The following DMD variants were observed in gnomAD, a reference collection of about 807,000 sequenced individuals.
DMD encodes the protein dystrophin.
Under a neutral mutation model 330.1 loss-of-function variants are expected in DMD, and 63 were observed. The observed-to-expected ratio is 0.19, with a 90% CI of 0.16 to 0.24. The LOEUF is 0.24. Among genes scored for constraint, DMD ranks in the 10% least tolerant of loss-of-function variants. The pLI, the probability that DMD is intolerant of heterozygous loss-of-function variation, is 1.00. For synonymous variants in DMD, 1,223 were observed against 959.8 expected, an observed-to-expected ratio of 1.27 and a Z score of -5.07; for missense variants, 3,344 against 2,684.1, an observed-to-expected ratio of 1.25 and a Z score of -5.43.
intron 44 of DMD, among the ~76,000 whole-genome samples, chrX:32,158,365 T>G (rs1486132520): frequency 9.2e-6 from 1 of 108,460 alleles, no homozygotes; most frequent in Non-Finnish European, 1.9e-5. Context: ...AGACCCCATC[T>G]CAAAAACAAA....
At chrX:32,137,364 GA>G (rs2096731795) in intron 44 of DMD, among the ~76,000 whole-genome samples, 2 of 111,570 alleles carry the variant, frequency 1.8e-5, no homozygotes, top group Non-Finnish European at 3.8e-5. Context: ...CCTAGGGATG[GA>G]AAAAACTCTA....
At position 32,162,266 on chromosome X, in the gene DMD, T is replaced by A. The variant is rs775770867; in HGVS notation, c.6438+54650A>T. ...CGCTACAGCTCAGGGTGAAGTCTTGTATCCCCTTTGCCTCTGTCCCCTTAG... is the reference window on the plus strand; with the variant it reads ...CGCTACAGCTCAGGGTGAAGTCTTGAATCCCCTTTGCCTCTGTCCCCTTAG... On this transcript the variant is annotated intron_variant, in intron 44 of 78. Coordinates refer to ENST00000357033, the MANE Select transcript of DMD (RefSeq NM_004006.3). Among the ~76,000 whole-genome samples the A allele has an allele frequency of 2.7e-5, 3 of 111,256 alleles. No individual in the cohort carries two copies. In the South Asian group the frequency reaches 1.2e-3, roughly 44 times the overall value.
At chrX:31,606,738 G>A (rs1370994454) in intron 55 of DMD, among the ~76,000 whole-genome samples, 1 of 112,053 alleles carries the variant, frequency 8.9e-6, no homozygotes, top group African/African-American at 3.2e-5. Flanking sequence ...AAACAAAACA[G>A]CTTTTGACTT....
chrX:32,779,686 C>T (rs764708000), intron 7 of DMD, among the ~76,000 whole-genome samples: 1 of 79,889 alleles, frequency 1.3e-5, no homozygotes, highest in East Asian at 4.1e-4. Context: ...TTTTTTATGG[C>T]TGCATACGGC....
At chrX:32,997,166 C>T (rs1021937910) in intron 2 of DMD, among the ~76,000 whole-genome samples, 2 of 110,773 alleles carry the variant, frequency 1.8e-5, no homozygotes, top group South Asian at 7.6e-4. Flanking sequence ...ACAATCTCAC[C>T]TTTTAAAAAA....
chrX:32,742,729 G>C (rs1208311470), intron 7 of DMD, among the ~76,000 whole-genome samples: 2 of 112,083 alleles, frequency 1.8e-5, no homozygotes, highest in African/African-American at 6.5e-5. Context: ...AAGGAAAAAG[G>C]CTGGGGCCAA....
At chrX:31,953,459 G>A (rs757871730) in intron 45 of DMD, among the ~76,000 whole-genome samples, 1 of 112,051 alleles carries the variant, frequency 8.9e-6, no homozygotes, top group African/African-American at 3.2e-5. Context: ...GGGCAATACA[G>A]GCAAATACAC....
intron 60 of DMD, among the ~76,000 whole-genome samples, chrX:31,385,926 CGT>C (rs1159128866): frequency 8.9e-6 from 1 of 111,945 alleles, no homozygotes; most frequent in Non-Finnish European, 1.9e-5. Context: ...CACATGCACA[CGT>C]ATGTTTATTG....
chrX:32,971,515 T>C (rs1009038124), intron 2 of DMD, among the ~76,000 whole-genome samples: 6 of 111,543 alleles, frequency 5.4e-5, no homozygotes, highest in African/African-American at 2.0e-4. Context: ...ATTTACATTT[T>C]TATTGATACA....
chrX:32,729,981 G>C (rs751113548), intron 7 of DMD, among the ~76,000 whole-genome samples: 4 of 111,603 alleles, frequency 3.6e-5, no homozygotes, highest in Non-Finnish European at 7.5e-5. Context: ...AATATTTATA[G>C]CTGAGTTAGT....
chrX:32,232,137 T>C (rs1445686003), intron 43 of DMD, among the ~76,000 whole-genome samples: 2 of 111,823 alleles, frequency 1.8e-5, no homozygotes, highest in Non-Finnish European at 3.8e-5. Context: ...GAAAAACTTC[T>C]AGGCTATAAG....
At chrX:31,610,010 C>G (rs1234161849) in intron 55 of DMD, among the ~76,000 whole-genome samples, 4 of 110,417 alleles carry the variant, frequency 3.6e-5, no homozygotes, top group African/African-American at 6.6e-5. Flanking sequence ...TTTTCTCTTG[C>G]TTATTACCCA....
intron 9 of DMD, among the ~76,000 whole-genome samples, chrX:32,653,803 T>C (rs1223728277): frequency 8.9e-6 from 1 of 112,166 alleles, no homozygotes; most frequent in Non-Finnish European, 1.9e-5. Context: ...TAGAATGTTC[T>C]TCCATTTGTT....
chrX:31,486,053 G>A (rs1246068670), intron 57 of DMD, among the ~76,000 whole-genome samples: 1 of 112,335 alleles, frequency 8.9e-6, no homozygotes, highest in East Asian at 2.8e-4. Flanking sequence ...GTCCTCATTT[G>A]TAAAATGTGG....
rs146073170 is a variant in DMD at position 32,857,972 on chromosome X, T to C, written c.94-8152A>G. On this transcript the variant is annotated intron_variant, in intron 2 of 78. Transcript: ENST00000357033. ...ATTATAGGTCAGGTAGGGGATTCCA[T>C]GTACACCTAGCTGGGGCACCGAGAG... is the stretch of plus-strand genomic sequence containing the variant. Among the ~76,000 whole-genome samples, 284 of 107,190 alleles carry C rather than the reference T, an allele frequency of 2.6e-3. 3 individuals carry two copies. The highest frequency in any genetic ancestry group is 0.01 in the East Asian group (33 of 3,241). 93.1% of individuals were successfully genotyped at this position (107,190 alleles called of 115,157 possible).
At chrX:32,150,051 G>T (rs1426080492) in intron 44 of DMD, among the ~76,000 whole-genome samples, 3 of 111,936 alleles carry the variant, frequency 2.7e-5, no homozygotes, top group Non-Finnish European at 3.8e-5. Flanking sequence ...TCTTTACACA[G>T]ACCAAATAGG....
chrX:32,361,473 G>T (rs2097834173), intron 37 of DMD, among the ~76,000 whole-genome samples: 1 of 111,573 alleles, frequency 9.0e-6, no homozygotes, highest in Admixed American at 9.6e-5. Context: ...GAGAGTACAA[G>T]AGAACTAAGT....
chrX:31,695,628 G>T (rs1239065081), intron 52 of DMD, among the ~76,000 whole-genome samples: 4 of 110,467 alleles, frequency 3.6e-5, no homozygotes, highest in African/African-American at 1.3e-4. Flanking sequence ...GAATAATAAG[G>T]ATGAGCCTGG....
chrX:32,010,161 C>A (rs1252718161), intron 44 of DMD, among the ~76,000 whole-genome samples: 1 of 111,531 alleles, frequency 9.0e-6, no homozygotes, highest in Non-Finnish European at 1.9e-5. Context: ...TAAATTAACA[C>A]GTGAATGAAT....
Sources: gnomAD v4.1 joint callset for allele counts (sites outside exome capture counted in the v4.1 genomes callset) on GRCh38, gnomAD v4.1.1 for gene constraint, MANE v1.5 for transcripts, NCBI Gene and HGNC (gene_info 2026-07-23, HGNC 2026-07-21) for gene names.